Variants in GRIA3 observed in about 807,000 individuals in gnomAD.
GRIA3 encodes glutamate ionotropic receptor AMPA type subunit 3.
Under a neutral mutation model 63.0 loss-of-function variants are expected in GRIA3, and 3 were observed. The observed-to-expected ratio is 0.05, with a 90% CI of 0.02 to 0.12. The LOEUF (loss-of-function observed/expected upper bound fraction) is 0.12. Among genes scored for constraint, GRIA3 ranks in the 10% least tolerant of loss-of-function variants. The probability of loss-of-function intolerance (pLI) is 1.00; values close to 1 mark genes in which losing one functional copy is unlikely to be tolerated. For synonymous variants in GRIA3, 274 were observed against 257.9 expected (o/e 1.06, Z -0.60); for missense variants, 347 against 700.9 (o/e 0.50, Z 5.70).
In GRIA3 at chrX:123,326,985, G is replaced by T. The variant is rs1650024650; in HGVS notation, c.696+772G>T. 2.8e-5 allele frequency among the ~76,000 whole-genome samples: 3 copies of T among 108,063 alleles called. No homozygotes were observed. In the South Asian group the frequency reaches 1.2e-3, roughly 45 times the overall value. 93.8% of individuals were successfully genotyped at this position (108,063 alleles called of 115,157 possible). On this transcript the variant is annotated intron_variant, in intron 4 of 15. Coordinates refer to ENST00000620443, the MANE Select transcript of GRIA3 (RefSeq NM_007325.5). Reference sequence around the variant, plus strand: ...GACTCTGTCTCAAAAAAAAAATTATGTGAAACCCCATCTCTGTTAGAAATA... The same window carrying T: ...GACTCTGTCTCAAAAAAAAAATTATTTGAAACCCCATCTCTGTTAGAAATA...
chrX:123,404,392 A>T (rs1312949121), intron 9 of GRIA3, among the ~76,000 whole-genome samples: 1 of 110,511 alleles, frequency 9.0e-6, no homozygotes, highest in African/African-American at 3.3e-5. Flanking sequence ...ACCATCATGT[A>T]ACTAAGTCTG....
chrX:123,345,720 C>T (rs767916208), intron 4 of GRIA3, among the ~76,000 whole-genome samples: 1 of 111,088 alleles, frequency 9.0e-6, no homozygotes, highest in Non-Finnish European at 1.9e-5. Flanking sequence ...GCCATCCTAA[C>T]CAGTGGCCCC....
chrX:123,238,000 C>A (rs913481807), intron 2 of GRIA3, among the ~76,000 whole-genome samples: 1 of 111,731 alleles, frequency 9.0e-6, no homozygotes, highest in Non-Finnish European at 1.9e-5. Context: ...CCAGTGGTTT[C>A]TCTTCCCACC....
At chrX:123,424,439 G>A (rs887101912) in intron 11 of GRIA3, among the ~76,000 whole-genome samples, 5 of 111,712 alleles carry the variant, frequency 4.5e-5, no homozygotes, top group Non-Finnish European at 9.4e-5. Context: ...GGAATAAAGT[G>A]GTGGAAATTC....
At chrX:123,298,775 C>T (rs1240015047) in intron 3 of GRIA3, among the ~76,000 whole-genome samples, 1 of 111,558 alleles carries the variant, frequency 9.0e-6, no homozygotes, top group African/African-American at 3.3e-5. Flanking sequence ...GTTGCAGTTG[C>T]TTTTGGTGTC....
chrX:123,415,121 T>C (rs2045529789), intron 10 of GRIA3, among the ~76,000 whole-genome samples: 1 of 112,001 alleles, frequency 8.9e-6, no homozygotes, highest in Non-Finnish European at 1.9e-5. Flanking sequence ...ATTCTAACTG[T>C]GTGAGATGGT....
chrX:123,431,397 A>G (rs1269155852), intron 12 of GRIA3, among the ~76,000 whole-genome samples: 5 of 108,624 alleles, frequency 4.6e-5, no homozygotes, highest in Admixed American at 1.9e-4. Context: ...TCCCATGATC[A>G]GTGGAACAGA....
At chrX:123,366,233 C>T (rs1170340518) in intron 5 of GRIA3, among the ~76,000 whole-genome samples, 3 of 111,331 alleles carry the variant, frequency 2.7e-5, no homozygotes, top group South Asian at 3.9e-4. Context: ...CGGAATGCAG[C>T]CCAGTAGGTC....
intron 2 of GRIA3, among the ~76,000 whole-genome samples, chrX:123,195,136 T>C (rs1267439306): frequency 8.8e-6 from 1 of 113,146 alleles, no homozygotes; most frequent in Non-Finnish European, 1.9e-5. Context: ...AATAAATGTA[T>C]TGCAATCAGT....
At chrX:123,243,958 G>A (rs2044344517) in intron 2 of GRIA3, among the ~76,000 whole-genome samples, 1 of 112,494 alleles carries the variant, frequency 8.9e-6, no homozygotes, top group South Asian at 3.7e-4. Context: ...TGCTATGGAA[G>A]GATGATTTAC....
At chrX:123,209,897 A>T (rs1273382772) in intron 2 of GRIA3, among the ~76,000 whole-genome samples, 1 of 110,004 alleles carries the variant, frequency 9.1e-6, no homozygotes, top group Non-Finnish European at 1.9e-5. Flanking sequence ...CTCTGAACAT[A>T]CTGTTAGATA....
chrX:123,260,958 G>C (rs1462509650), intron 3 of GRIA3, among the ~76,000 whole-genome samples: 2 of 111,648 alleles, frequency 1.8e-5, no homozygotes, highest in African/African-American at 6.5e-5. Context: ...TGTCTGTAAT[G>C]AGAATTTCAT....
intron 2 of GRIA3, among the ~76,000 whole-genome samples, chrX:123,241,130 T>C (rs1463659389): frequency 8.9e-6 from 1 of 111,959 alleles, no homozygotes; most frequent in African/African-American, 3.3e-5. Context: ...TCCTTGGCCC[T>C]GTCCTCTTCA....
chrX:123,233,230 C>G (rs1336230263), intron 2 of GRIA3, among the ~76,000 whole-genome samples: 1 of 111,689 alleles, frequency 9.0e-6, no homozygotes, highest in Non-Finnish European at 1.9e-5. Context: ...CTTGTCTTCA[C>G]TACCATTCCC....
intron 3 of GRIA3, among the ~76,000 whole-genome samples, chrX:123,310,766 G>T (rs777469830): frequency 1.8e-5 from 2 of 112,189 alleles, no homozygotes; most frequent in African/African-American, 6.5e-5. Flanking sequence ...ACTTTGGGAG[G>T]CCAAGGCGGG....
At chrX:123,421,790 C>T (rs1024969200) in intron 11 of GRIA3, among the ~76,000 whole-genome samples, 3 of 111,629 alleles carry the variant, frequency 2.7e-5, no homozygotes, top group African/African-American at 6.5e-5. Flanking sequence ...ACCACTGCAG[C>T]GTGGGCATTA....
At chrX:123,407,867 A>C (rs896071723) in intron 10 of GRIA3, among the ~76,000 whole-genome samples, 1 of 111,770 alleles carries the variant, frequency 8.9e-6, no homozygotes, top group African/African-American at 3.3e-5. Context: ...ATTTATTAGA[A>C]AGGCTTATGG....
chrX:123,390,829 T>C (rs1442334789), intron 5 of GRIA3, among the ~76,000 whole-genome samples: 1 of 111,760 alleles, frequency 8.9e-6, no homozygotes, highest in African/African-American at 3.2e-5. Context: ...TATTCTTTTT[T>C]AGTATTTTTT....
At chrX:123,264,968 C>A (rs1181809266) in intron 3 of GRIA3, among the ~76,000 whole-genome samples, 1 of 111,458 alleles carries the variant, frequency 9.0e-6, no homozygotes, top group Non-Finnish European at 1.9e-5. Context: ...GTCACAATAG[C>A]TTTTCTGGTC....
Sources: gnomAD v4.1 joint callset for allele counts (sites outside exome capture counted in the v4.1 genomes callset) on GRCh38, gnomAD v4.1.1 for gene constraint, MANE v1.5 for transcripts, NCBI Gene and HGNC (gene_info 2026-07-23, HGNC 2026-07-21) for gene names.